The following ZDHHC7 variants were observed in gnomAD, a reference collection of about 807,000 sequenced individuals.
ZDHHC7 encodes zDHHC palmitoyltransferase 7.
ZDHHC7 carries 12 observed loss-of-function variants against 34.1 expected under a neutral mutation model. The observed-to-expected ratio is 0.35, with a 90% CI of 0.23 to 0.57. The LOEUF is 0.57. Ranked by LOEUF, ZDHHC7 falls within the 20% of genes least tolerant of loss-of-function variation. The pLI is 0.84. For missense variants in ZDHHC7, 388 were observed against 402.7 expected, an observed-to-expected ratio of 0.96 and a Z score of 0.31; for synonymous variants, 185 against 155.4, an observed-to-expected ratio of 1.19 and a Z score of -1.42.
chr16:84,976,901 T>C (rs902819774), intron 7 of ZDHHC7, among the ~76,000 whole-genome samples, 194 bp downstream of exon 7: 1 of 152,150 alleles, frequency 6.6e-6, no homozygotes, highest in African/African-American at 2.4e-5. Context: ...GACTTGCAAA[T>C]CAAACTGAGA....
the ZDHHC7 span, among the ~76,000 whole-genome samples, chr16:85,027,159 C>T: frequency 2.0e-5 from 3 of 152,212 alleles, no homozygotes; most frequent in African/African-American, 7.2e-5. Flanking sequence ...CTCAAAGATG[C>T]CCCGTTTTAA....
At chr16:85,007,106 G>C (rs1597565396) in intron 1 of ZDHHC7, among the ~76,000 whole-genome samples, 1 of 151,866 alleles carries the variant, frequency 6.6e-6, no homozygotes, top group African/African-American at 2.4e-5. Flanking sequence ...AGGATTAATA[G>C]GATTCTACTG....
intron 6 of ZDHHC7, among the ~76,000 whole-genome samples, chr16:84,977,568 C>T (rs2072314037): frequency 6.6e-6 from 1 of 152,220 alleles, no homozygotes; most frequent in Non-Finnish European, 1.5e-5. Flanking sequence ...GTCTGTTCAC[C>T]ATGTTCCCCT....
Position 84,985,537 on chromosome 16 carries a change from C to A in ZDHHC7, c.316-3543G>T, listed in dbSNP as rs567551648. 2.0e-5 allele frequency among the ~76,000 whole-genome samples: 3 copies of A among 151,904 alleles called. No individual in the cohort carries two copies. In the East Asian group the frequency reaches 5.8e-4, roughly 29 times the overall value. On this transcript the variant is annotated intron_variant, in intron 3 of 7. Transcript: ENST00000313732. ...AACTGTGTTTCTTCAACTTAAACCC[C>A]AAGGGAAAAAAAGACATTGCAGGGA...
At chr16:84,988,973 A>G (rs1004081640) in intron 3 of ZDHHC7, 2 of 1,220,250 alleles carry the variant, frequency 1.6e-6, no homozygotes, top group African/African-American at 3.0e-5. Context: ...GCAACAAACA[A>G]GGGGTTTCTG....
intron 1 of ZDHHC7, among the ~76,000 whole-genome samples, chr16:84,996,859 G>C (rs953251858): frequency 1.5e-4 from 23 of 151,596 alleles, no homozygotes; most frequent in African/African-American, 5.6e-4. Context: ...AAACCCCGTC[G>C]CTACTAAAAA....
intron 2 of ZDHHC7, among the ~76,000 whole-genome samples, chr16:84,992,155 C>CAA (rs201200619): frequency 0.16 from 21,041 of 133,436 alleles, 1,947 homozygotes; most frequent in East Asian, 0.34. Flanking sequence ...GACTCAGTCT[C>CAA]AAAAAAAAAA....
intron 3 of ZDHHC7, among the ~76,000 whole-genome samples, chr16:84,987,728 G>C (rs747081985): frequency 2.6e-5 from 4 of 152,244 alleles, no homozygotes; most frequent in Non-Finnish European, 5.9e-5. Flanking sequence ...GGCTATAGGT[G>C]AGAAGGGTCC....
intron 1 of ZDHHC7, among the ~76,000 whole-genome samples, chr16:84,997,619 G>A (rs953552146): frequency 2.2e-4 from 33 of 151,204 alleles, no homozygotes; most frequent in African/African-American, 7.5e-4. Flanking sequence ...AATGGGCCAG[G>A]CACAGTGGCT....
rs372570382 is a variant in ZDHHC7 at position 84,977,910 on chromosome 16, G to T, written c.619+14C>A. On this transcript the variant is annotated intron_variant, in intron 6 of 7. Transcript: ENST00000313732. ...CATGCAAAGCCAGGAATGACACATA[G>T]CCAGGGAACTTACCAGTCCACTGCC... 17 of 1,607,722 alleles carry T rather than the reference G, an allele frequency of 1.1e-5. No homozygotes were observed. The highest frequency in any genetic ancestry group is 1.4e-5 in the Non-Finnish European group (16 of 1,174,970).
chr16:84,999,989 T>A (rs1020990773), intron 1 of ZDHHC7, among the ~76,000 whole-genome samples: 8 of 150,650 alleles, frequency 5.3e-5, no homozygotes, highest in African/African-American at 9.8e-5. Flanking sequence ...ACAAAAAAAA[T>A]TTTTTAAAAA....
chr16:84,982,378 C>A (rs1284946267), intron 3 of ZDHHC7, among the ~76,000 whole-genome samples: 1 of 151,494 alleles, frequency 6.6e-6, no homozygotes, highest in African/African-American at 2.4e-5. Flanking sequence ...TTTTCTATAT[C>A]ATCAAACAAT....
intron 2 of ZDHHC7, among the ~76,000 whole-genome samples, chr16:84,992,835 G>C (rs77044094): frequency 0.011 from 1,648 of 152,264 alleles, 30 homozygotes; most frequent in African/African-American, 0.037. Context: ...ATCTGGGTGT[G>C]ACTTTTTCTT....
chr16:85,024,693 G>C, the ZDHHC7 span, among the ~76,000 whole-genome samples: 2 of 142,938 alleles, frequency 1.4e-5, no homozygotes, highest in African/African-American at 6.1e-5. Context: ...CCTTGTTCTG[G>C]CCAGACCACC....
upstream of ZDHHC7, among the ~76,000 whole-genome samples, chr16:85,012,324 C>T (rs1306268636): frequency 1.4e-5 from 2 of 145,720 alleles, no homozygotes; most frequent in Non-Finnish European, 3.0e-5. Flanking sequence ...GCGAAGGTTG[C>T]AGTGAGCTGA....
chr16:85,009,790 G>A (rs1200613186), intron 1 of ZDHHC7, among the ~76,000 whole-genome samples: 1 of 144,108 alleles, frequency 6.9e-6, no homozygotes, highest in Non-Finnish European at 1.5e-5. Flanking sequence ...CTCACTGCAA[G>A]CTCCGCCTCC....
intron 1 of ZDHHC7, among the ~76,000 whole-genome samples, chr16:85,007,940 T>C (rs80013304): frequency 0.17 from 26,031 of 151,812 alleles, 3,175 homozygotes; most frequent in East Asian, 0.33. Context: ...CTGGGTATCA[T>C]AGTGAGACCC....
the ZDHHC7 span, among the ~76,000 whole-genome samples, chr16:85,024,217 C>G: frequency 3.4e-5 from 5 of 147,426 alleles, no homozygotes; most frequent in Non-Finnish European, 5.9e-5. Context: ...CACACTTGGT[C>G]TCAGAGTTTT....
At chr16:85,023,607 C>G in the ZDHHC7 span, among the ~76,000 whole-genome samples, 3 of 152,194 alleles carry the variant, frequency 2.0e-5, no homozygotes, top group South Asian at 2.1e-4. Context: ...GACTCATCCT[C>G]TATTCAAAGT....
Sources: allele counts gnomAD v4.1 joint callset (sites outside exome capture counted in the v4.1 genomes callset), GRCh38; gene constraint gnomAD v4.1.1; transcripts MANE v1.5; gene names NCBI Gene and HGNC (gene_info 2026-07-23, HGNC 2026-07-21).